ZNF385D: variants seen among roughly 807,000 people sequenced by gnomAD.
ZNF385D encodes zinc finger protein 385D.
ZNF385D carries 15 observed loss-of-function variants against 35.8 expected under a neutral mutation model. The observed-to-expected ratio is 0.42, with a 90% CI of 0.28 to 0.64. The LOEUF is 0.64. ZNF385D is among the 30% of genes least tolerant of loss of function. The probability of loss-of-function intolerance (pLI) is 0.23; values close to 1 mark genes in which losing one functional copy is unlikely to be tolerated. For missense variants in ZNF385D, 474 were observed against 494.6 expected, an observed-to-expected ratio of 0.96 and a Z score of 0.39; for synonymous variants, 212 against 186.8, an observed-to-expected ratio of 1.13 and a Z score of -1.10.
intron 4 of ZNF385D, among the ~76,000 whole-genome samples, chr3:21,509,298 T>A (rs1707022866): frequency 6.6e-6 from 1 of 152,174 alleles, no homozygotes; most frequent in African/African-American, 2.4e-5. Flanking sequence ...CCTACTGCCT[T>A]CTTTGCATCA....
At chr3:21,459,542 A>G (rs983886596) in intron 4 of ZNF385D, 3 of 152,174 alleles carry the variant, frequency 2.0e-5, no homozygotes, top group African/African-American at 4.8e-5. Context: ...GGTATAGGCA[A>G]TCACAAATTA....
chr3:22,025,007 G>T (rs1488415306), intron 3 of ZNF385D, among the ~76,000 whole-genome samples: 1 of 152,192 alleles, frequency 6.6e-6, no homozygotes, highest in East Asian at 1.9e-4. Context: ...TGCGTGCGCA[G>T]CCTCACCAGG....
intron 3 of ZNF385D, among the ~76,000 whole-genome samples, chr3:22,160,770 T>C (rs1705899087): frequency 6.6e-6 from 1 of 152,048 alleles, no homozygotes; most frequent in African/African-American, 2.4e-5. Flanking sequence ...CCAATAAAAA[T>C]AGGAAACCAG....
intron 3 of ZNF385D, among the ~76,000 whole-genome samples, chr3:21,982,188 A>G (rs1446071512): frequency 6.7e-6 from 1 of 148,476 alleles, no homozygotes; most frequent in Non-Finnish European, 1.5e-5. Context: ...AATTATATTG[A>G]TTCTTCCTAT....
At chr3:21,993,784 C>A (rs1235788206) in intron 3 of ZNF385D, among the ~76,000 whole-genome samples, 1 of 152,218 alleles carries the variant, frequency 6.6e-6, no homozygotes, top group Non-Finnish European at 1.5e-5. Flanking sequence ...CAATGGGACA[C>A]TGTCAAGACC....
intron 2 of ZNF385D, among the ~76,000 whole-genome samples, chr3:22,344,692 G>C (rs1695577611): frequency 6.6e-6 from 1 of 152,086 alleles, no homozygotes; most frequent in Admixed American, 6.6e-5. Flanking sequence ...AATGTGCTAG[G>C]ACTACAGGCA....
Position 22,178,845 on chromosome 3 carries a change from C to T in ZNF385D, c.107-9810G>A, listed in dbSNP as rs183647641. 7.8e-3 allele frequency among the ~76,000 whole-genome samples: 1,188 copies of T among 152,278 alleles called. 7 individuals carry two copies. The highest frequency in any genetic ancestry group is 0.012 in the Non-Finnish European group (783 of 68,022). ...AGCACCATTTATTAAATAGGGAAAC[C>T]TTTCCCCATTTCTTGTTTTTGCCAG... On this transcript the variant is annotated intron_variant, in intron 2 of 5. Coordinates refer to the ZNF385D transcript ENST00000494108.
At chr3:21,530,450 T>A (rs939952309) in intron 3 of ZNF385D, among the ~76,000 whole-genome samples, 12 of 152,128 alleles carry the variant, frequency 7.9e-5, no homozygotes, top group Non-Finnish European at 1.5e-4. Context: ...TTAGAACATT[T>A]TTGTAGAAGG....
intron 2 of ZNF385D, among the ~76,000 whole-genome samples, chr3:21,626,175 A>G (rs185635983): frequency 3.0e-4 from 45 of 152,206 alleles, no homozygotes; most frequent in Middle Eastern, 3.4e-3. Flanking sequence ...TCTGAAATTT[A>G]TATCTACTGG....
At chr3:22,179,576 A>C (rs551785864) in intron 2 of ZNF385D, among the ~76,000 whole-genome samples, 102 of 152,274 alleles carry the variant, frequency 6.7e-4, no homozygotes, top group African/African-American at 2.4e-3. Flanking sequence ...AATACCCTTT[A>C]TTTCCTTCTC....
intron 2 of ZNF385D, among the ~76,000 whole-genome samples, chr3:21,592,154 T>C (rs1293493618): frequency 6.6e-6 from 1 of 152,190 alleles, no homozygotes; most frequent in Non-Finnish European, 1.5e-5. Flanking sequence ...CATAATTTTT[T>C]CATAATTATG....
At chr3:21,981,831 A>T (rs1028272325) in intron 3 of ZNF385D, among the ~76,000 whole-genome samples, 4 of 152,072 alleles carry the variant, frequency 2.6e-5, no homozygotes, top group African/African-American at 7.2e-5. Context: ...TCTTTTCACC[A>T]TTACTTGTTT....
chr3:21,748,179 G>A (rs1038622505), intron 1 of ZNF385D, among the ~76,000 whole-genome samples: 1 of 152,230 alleles, frequency 6.6e-6, no homozygotes, highest in African/African-American at 2.4e-5. Context: ...GGAGATAAGA[G>A]TGAGGCTTAA....
intron 2 of ZNF385D, among the ~76,000 whole-genome samples, chr3:22,230,607 A>G (rs1480058966): frequency 6.6e-6 from 1 of 152,214 alleles, no homozygotes; most frequent in Admixed American, 6.5e-5. Context: ...GGGGCCTCAC[A>G]TCAACCCCTA....
intron 3 of ZNF385D, among the ~76,000 whole-genome samples, chr3:21,970,655 A>C (rs1352009511): frequency 1.3e-5 from 2 of 152,126 alleles, no homozygotes; most frequent in Non-Finnish European, 2.9e-5. Context: ...ATTCAAAAAC[A>C]TAATAATAGA....
At chr3:22,209,923 G>A (rs989355770) in intron 2 of ZNF385D, among the ~76,000 whole-genome samples, 2 of 151,706 alleles carry the variant, frequency 1.3e-5, no homozygotes, top group Non-Finnish European at 2.9e-5. Context: ...GTTTACCTTA[G>A]TAACGGGACA....
intron 4 of ZNF385D, among the ~76,000 whole-genome samples, chr3:21,441,989 T>G (rs1449107973): frequency 6.6e-6 from 1 of 152,202 alleles, no homozygotes; most frequent in Non-Finnish European, 1.5e-5. Context: ...CTATTTGGCT[T>G]TGGCATCAAA....
chr3:21,990,441 C>A (rs1294034122), intron 3 of ZNF385D, among the ~76,000 whole-genome samples: 2 of 152,154 alleles, frequency 1.3e-5, no homozygotes, highest in Non-Finnish European at 2.9e-5. Context: ...ATTGCCTGTG[C>A]CTTTATCAGG....
At chr3:21,553,501 C>T (rs1001796450) in intron 3 of ZNF385D, among the ~76,000 whole-genome samples, 11 of 152,090 alleles carry the variant, frequency 7.2e-5, no homozygotes, top group African/African-American at 2.4e-4. Flanking sequence ...GAGGGTCTTG[C>T]CTCAGTGTAG....
Sources: gnomAD v4.1 joint callset for allele counts (sites outside exome capture counted in the v4.1 genomes callset) on GRCh38, gnomAD v4.1.1 for gene constraint, MANE v1.5 for transcripts, NCBI Gene and HGNC (gene_info 2026-07-23, HGNC 2026-07-21) for gene names.